Variants in COX20 observed in about 807,000 individuals in gnomAD.
COX20 encodes cytochrome c oxidase assembly factor COX20.
COX20 carries 14 observed loss-of-function variants against 14.3 expected under a neutral mutation model. The ratio of observed to expected loss-of-function variants is 0.98; its 90% confidence interval spans 0.65 to 1.53. The LOEUF (loss-of-function observed/expected upper bound fraction) is 1.53. COX20 is among the 40% of genes most tolerant of loss of function. The pLI is 0.00. For missense variants in COX20, 149 were observed against 142.1 expected (o/e 1.05, Z -0.25); for synonymous variants, 56 against 51.7 (o/e 1.08, Z -0.36).
chr1:244,835,824 C>T, intron 1 of COX20, 68 bp downstream of exon 1: 2 of 1,150,966 alleles, frequency 1.7e-6, no homozygotes, highest in Non-Finnish European at 2.2e-6. Context: ...CCGCGGAGCT[C>T]CTAGGCCCGG....
At position 244,844,956 on chromosome 1, in the gene COX20, C is replaced by T; in HGVS notation, c.*1780C>T. Reference sequence around the variant, plus strand: ...GCCCAAGTCCCTTTAAATAAAATACCCTCATATTTCCATATAATCTACATA... The same window carrying T: ...GCCCAAGTCCCTTTAAATAAAATACTCTCATATTTCCATATAATCTACATA... On this transcript the variant is annotated 3_prime_UTR_variant, in exon 4 of 4. Transcript: ENST00000411948. 6.5e-6 allele frequency: 1 copy of T among 154,804 alleles called. No homozygotes were observed. Among genetic ancestry groups the T allele is most frequent in the East Asian group, 1.9e-4 (1 of 5,196 alleles). 9.6% of individuals were successfully genotyped at this position (154,804 alleles called of 1,614,324 possible). A position where few individuals can be genotyped will look rare whatever the true frequency, so the allele number is the denominator to read the frequency against.
intron 1 of COX20, chr1:244,840,201 C>T (rs528787186): frequency 6.6e-6 from 1 of 152,184 alleles, no homozygotes; most frequent in African/African-American, 2.4e-5. Context: ...ATATGACAGT[C>T]ATCAGAAAAA....
intron 3 of COX20, chr1:244,842,622 CCTAAG>C: frequency 3.7e-6 from 1 of 270,500 alleles, no homozygotes; most frequent in Non-Finnish European, 7.0e-6. Context: ...ATTTGCCAGA[CCTAAG>C]AGTATGATAT....
At position 244,843,371 on chromosome 1, in the gene COX20, C is replaced by T. The variant is rs1032823108; in HGVS notation, c.*195C>T. 2 of 554,840 alleles carry T rather than the reference C, an allele frequency of 3.6e-6. No homozygotes were observed. The highest frequency in any genetic ancestry group is 6.3e-6 in the Non-Finnish European group (2 of 316,916). The allele number at this position is 554,840 out of a possible 1,614,324, so 34.4% of individuals were successfully genotyped here. ...GCCAGGATAGCATTCTTACGTGTTACATATAGTGGACTTGTCATCCTTAAA... is the reference window on the plus strand; with the variant it reads ...GCCAGGATAGCATTCTTACGTGTTATATATAGTGGACTTGTCATCCTTAAA... On this transcript the variant is annotated 3_prime_UTR_variant, in exon 4 of 4. Transcript: ENST00000411948.
upstream of COX20, chr1:244,835,334 G>A (rs1429759942): frequency 6.3e-5 from 12 of 191,368 alleles, no homozygotes; most frequent in Admixed American, 6.8e-4. Context: ...GCCGGAGACG[G>A]TTAGAAATGG....
At position 244,844,828 on chromosome 1, in the gene COX20, C is replaced by G. The variant is rs919758231; in HGVS notation, c.*1652C>G. 6.6e-6 allele frequency: 1 copy of G among 151,604 alleles called. No individual in the cohort carries two copies. The highest frequency in any genetic ancestry group is 2.4e-5 in the African/African-American group (1 of 41,282). 9.4% of individuals were successfully genotyped at this position (151,604 alleles called of 1,614,324 possible). On this transcript the variant is annotated 3_prime_UTR_variant, in exon 4 of 4. Coordinates refer to ENST00000411948, the MANE Select transcript of COX20 (RefSeq NM_198076.6). The stretch of plus-strand genomic sequence containing the variant: ...TTTCAGAGGCCGCACTGCATGAATG[C>G]GGGAAAATGTTGATGATCACTAATC...
At chr1:244,842,965 T>G in intron 3 of COX20, 76 bp from the exon 4 acceptor site, 1 of 1,132,022 alleles carries the variant, frequency 8.8e-7, no homozygotes. Flanking sequence ...AAGTTTTGTG[T>G]GATTTAGAGA....
chr1:244,844,732 T>C lies in COX20; in HGVS notation c.*1556T>C, dbSNP rs1680359150. On this transcript the variant is annotated 3_prime_UTR_variant, in exon 4 of 4. Coordinates refer to ENST00000411948, the MANE Select transcript of COX20 (RefSeq NM_198076.6). Reference sequence around the variant, plus strand: ...GTAAGCCAAGATCGCGCCATTGCACTCTAGCCTAGGTGACAGAGTGAGACT... The same window carrying C: ...GTAAGCCAAGATCGCGCCATTGCACCCTAGCCTAGGTGACAGAGTGAGACT... The C allele has an allele frequency of 6.6e-6, 1 of 151,344 alleles. No homozygotes were observed. The highest frequency in any genetic ancestry group is 2.4e-5 in the African/African-American group (1 of 41,100). The allele number at this position is 151,344 out of a possible 1,614,324, so 9.4% of individuals were successfully genotyped here. A position where few individuals can be genotyped will look rare whatever the true frequency, so the allele number is the denominator to read the frequency against.
chr1:244,841,913 ACT>A (rs1418675506), intron 1 of COX20, 29 bp from the exon 2 acceptor site: 1 of 1,331,058 alleles, frequency 7.5e-7, no homozygotes, highest in East Asian at 2.3e-5. Context: ...ATACTTTCTT[ACT>A]CAATCTAGGT....
At position 244,843,729 on chromosome 1, in the gene COX20, G is replaced by C. The variant is rs1370948270; in HGVS notation, c.*553G>C. ...GTTTTTAACTGCCCTAAACATTTTT[G>C]GGGAAGTATGCAGGGTTTAAATTTT... is the stretch of plus-strand genomic sequence containing the variant. On this transcript the variant is annotated 3_prime_UTR_variant, in exon 4 of 4. Transcript: ENST00000411948. 6.6e-6 allele frequency: 1 copy of C among 152,134 alleles called. No individual in the cohort carries two copies. The highest frequency in any genetic ancestry group is 1.5e-5 in the Non-Finnish European group (1 of 68,044). The allele number at this position is 152,134 out of a possible 1,614,324, so 9.4% of individuals were successfully genotyped here. A position where few individuals can be genotyped will look rare whatever the true frequency, so the allele number is the denominator to read the frequency against.
At chr1:244,836,399 T>C in intron 1 of COX20, 1 of 1,131,392 alleles carries the variant, frequency 8.8e-7, no homozygotes, top group Non-Finnish European at 1.3e-6. Flanking sequence ...AAATTCTTGG[T>C]ATAGTAAAGC....
At chr1:244,840,531 A>G (rs1680159937) in intron 1 of COX20, 1 of 152,112 alleles carries the variant, frequency 6.6e-6, no homozygotes, top group African/African-American at 2.4e-5. Flanking sequence ...AAATCCCCCA[A>G]CCTCTTGGTA....
Position 244,843,391 on chromosome 1 carries a change from C to G in COX20, c.*215C>G. On this transcript the variant is annotated 3_prime_UTR_variant, in exon 4 of 4. Coordinates refer to ENST00000411948, the MANE Select transcript of COX20 (RefSeq NM_198076.6). ...TGTTACATATAGTGGACTTGTCATC[C>G]TTAAAATGTGAACAGAATTTATTGG... 1 of 500,904 alleles carries G rather than the reference C, an allele frequency of 2.0e-6. No homozygotes were observed. Among genetic ancestry groups the G allele is most frequent in the Non-Finnish European group, 3.5e-6 (1 of 282,538 alleles). 31.0% of individuals were successfully genotyped at this position (500,904 alleles called of 1,614,324 possible). A position where few individuals can be genotyped will look rare whatever the true frequency, so the allele number is the denominator to read the frequency against.
rs1445158730 is a variant in COX20 at position 244,835,723 on chromosome 1, C to G, written c.9C>G (p.Ala3=). 7.9e-7 allele frequency: 1 copy of G among 1,268,608 alleles called. No individual in the cohort carries two copies. The highest frequency in any genetic ancestry group is 1.0e-6 in the Non-Finnish European group (1 of 1,004,528). 78.6% of individuals were successfully genotyped at this position (1,268,608 alleles called of 1,614,324 possible). Residue 3 remains alanine (A), a synonymous_variant, in exon 1 of 4, where the codon GCC becomes GCG. Coordinates refer to ENST00000411948, the MANE Select transcript of COX20 (RefSeq NM_198076.6). MA[A]PPEPGEPEER... is the part of the protein sequence containing the mutation. ...GTCGCGGAGTAGTCCTCATGGCCGC[C>G]CCGCCGGAGCCCGGTGAGCCCGAGG... is the stretch of plus-strand genomic sequence containing the variant.
intron 1 of COX20, chr1:244,841,568 T>A (rs1028761595): frequency 6.1e-6 from 1 of 164,500 alleles, no homozygotes; most frequent in African/African-American, 2.4e-5. Flanking sequence ...TCCCAAATTA[T>A]TGGAGTTACT....
intron 2 of COX20, 29 bp downstream of exon 2, chr1:244,842,087 T>C (rs1680226977): frequency 6.5e-7 from 1 of 1,542,270 alleles, no homozygotes; most frequent in Non-Finnish European, 9.0e-7. Context: ...TATTTCTCTA[T>C]GTACTAAAAA....
At chr1:244,836,107 T>A (rs1239515912) in intron 1 of COX20, among the ~76,000 whole-genome samples, 1 of 152,232 alleles carries the variant, frequency 6.6e-6, no homozygotes, top group Non-Finnish European at 1.5e-5. Flanking sequence ...TAAAGCTCCG[T>A]TGAGGACAGG....
chr1:244,843,696 A>G lies in COX20; in HGVS notation c.*520A>G, dbSNP rs1183904299. 6.6e-6 allele frequency: 1 copy of G among 152,292 alleles called. No individual in the cohort carries two copies. The highest frequency in any genetic ancestry group is 2.4e-5 in the African/African-American group (1 of 41,456). The allele number at this position is 152,292 out of a possible 1,614,324, so 9.4% of individuals were successfully genotyped here. On this transcript the variant is annotated 3_prime_UTR_variant, in exon 4 of 4. Coordinates refer to ENST00000411948, the MANE Select transcript of COX20 (RefSeq NM_198076.6). ...TTCTTAAAATGCGAGTCATCTTCCAAAAGAGTTGTTTTTAACTGCCCTAAA... is the reference window on the plus strand; with the variant it reads ...TTCTTAAAATGCGAGTCATCTTCCAGAAGAGTTGTTTTTAACTGCCCTAAA...
intron 1 of COX20, among the ~76,000 whole-genome samples, chr1:244,838,116 G>A (rs1456438090): frequency 6.6e-6 from 1 of 152,148 alleles, no homozygotes; most frequent in Admixed American, 6.5e-5. Context: ...GTCTGGCTCA[G>A]GATGTATTTA....
Sources: gnomAD v4.1 joint callset for allele counts (sites outside exome capture counted in the v4.1 genomes callset) on GRCh38, gnomAD v4.1.1 for gene constraint, MANE v1.5 for transcripts, NCBI Gene and HGNC (gene_info 2026-07-23, HGNC 2026-07-21) for gene names.